MYT1: variants seen among roughly 807,000 people sequenced by gnomAD.
The protein encoded by MYT1 is myelin transcription factor I.
Under a neutral mutation model 123.0 loss-of-function variants are expected in MYT1, and 23 were observed. The observed-to-expected ratio is 0.19, with a 90% CI of 0.13 to 0.26. The LOEUF (loss-of-function observed/expected upper bound fraction) is 0.26, where lower values mean the gene tolerates loss of function less well. Ranked by LOEUF, MYT1 falls within the 10% of genes least tolerant of loss-of-function variation. The pLI is 1.00. For synonymous variants in MYT1, 518 were observed against 575.3 expected, an observed-to-expected ratio of 0.90 and a Z score of 1.43; for missense variants, 1,125 against 1,472.5, an observed-to-expected ratio of 0.76 and a Z score of 3.86.
intron 19 of MYT1, among the ~76,000 whole-genome samples, chr20:64,235,666 G>A (rs1200127998): frequency 1.9e-4 from 26 of 139,088 alleles, no homozygotes; most frequent in African/African-American, 4.8e-4. Flanking sequence ...TGGGATGGCC[G>A]TGGTGGGTGA....
intron 14 of MYT1, 24 bp downstream of exon 14, chr20:64,222,071 A>G (rs757085391): frequency 1.2e-6 from 2 of 1,611,480 alleles, no homozygotes; most frequent in South Asian, 1.1e-5. Context: ...TGGCTGGCAC[A>G]GCTCCTAGGG....
intron 10 of MYT1, among the ~76,000 whole-genome samples, chr20:64,216,034 A>C (rs1309193518): frequency 2.0e-5 from 3 of 152,144 alleles, no homozygotes; most frequent in Non-Finnish European, 4.4e-5. Flanking sequence ...GGTAGTGTTC[A>C]GTTCTTCCAG....
rs1485901660 is a variant in MYT1 at position 64,227,829 on chromosome 20, G to C, written c.2592-59G>C. On this transcript the variant is annotated intron_variant, in intron 17 of 22. Coordinates refer to ENST00000328439, the MANE Select transcript of MYT1 (RefSeq NM_004535.3). ...CTTGAGGGGAGAGGGTGAGATGAAC[G>C]GGTGTGAGAAGCTGCGGTTCCAGCA... 3.8e-6 allele frequency: 5 copies of C among 1,302,624 alleles called. No individual in the cohort carries two copies. In the Admixed American group the frequency reaches 7.8e-5, roughly 20 times the overall value. The allele number at this position is 1,302,624 out of a possible 1,614,324, so 80.7% of individuals were successfully genotyped here.
intron 19 of MYT1, among the ~76,000 whole-genome samples, chr20:64,234,442 G>A (rs1287214426): frequency 2.0e-5 from 3 of 152,228 alleles, no homozygotes; most frequent in Admixed American, 1.3e-4. Context: ...GCCAGATGAG[G>A]TGAGCTCTGG....
intron 6 of MYT1, among the ~76,000 whole-genome samples, chr20:64,206,574 C>T (rs964822370): frequency 4.6e-5 from 7 of 152,078 alleles, no homozygotes. Flanking sequence ...CAGCACTCCC[C>T]AAGCTTCTGC....
At chr20:64,183,501 G>C (rs562723455) in intron 1 of MYT1, among the ~76,000 whole-genome samples, 1 of 152,142 alleles carries the variant, frequency 6.6e-6, no homozygotes, top group African/African-American at 2.4e-5. Flanking sequence ...ATTCTATGAG[G>C]GTTCTTGCCA....
rs147779392 is a variant in MYT1, at chr20:64,232,609, C to T, written c.2897+224C>T. ...TCTTCGCCATGCGTCTCCCCTCATA[C>T]GCCACCCTTCCACATCCTGATGGAG... On this transcript the variant is annotated intron_variant, in intron 19 of 22. Coordinates refer to ENST00000328439, the MANE Select transcript of MYT1 (RefSeq NM_004535.3). The surrounding 1 kb of genome is among the most constrained non-coding windows in gnomAD (Gnocchi z 6.9). Among the ~76,000 whole-genome samples the T allele has an allele frequency of 3.1e-4, 47 of 152,228 alleles. 1 individual carries two copies. Among genetic ancestry groups the T allele is most frequent in the Non-Finnish European group, 4.6e-4 (31 of 67,996 alleles).
rs569976935 is a variant in MYT1, at chr20:64,203,476, G to A, written c.87-1559G>A. Reference sequence around the variant, plus strand: ...CAGTTTGGAAAGGGAGCCCCCAGTCGAGTGTGGTGTGCCCTCCCTCTCTCG... The same window carrying A: ...CAGTTTGGAAAGGGAGCCCCCAGTCAAGTGTGGTGTGCCCTCCCTCTCTCG... On this transcript the variant is annotated intron_variant, in intron 4 of 22. Transcript: ENST00000328439. The surrounding 1 kb of genome is among the most constrained non-coding windows in gnomAD (Gnocchi z 5.1). Among the ~76,000 whole-genome samples, 4 of 152,118 alleles carry A rather than the reference G, an allele frequency of 2.6e-5. No homozygotes were observed. The highest frequency in any genetic ancestry group is 9.7e-5 in the African/African-American group (4 of 41,422).
chr20:64,223,723 C>A (rs73916737), intron 16 of MYT1, among the ~76,000 whole-genome samples: 4,765 of 152,276 alleles, frequency 0.031, 270 homozygotes, highest in African/African-American at 0.11. Flanking sequence ...AAGCCCAGAA[C>A]CGACCAGGGA....
Position 64,189,237 on chromosome 20 carries a change from G to A in MYT1, c.-98-826G>A, listed in dbSNP as rs1220694326. Among the ~76,000 whole-genome samples the A allele has an allele frequency of 1.3e-5, 2 of 152,236 alleles. No homozygotes were observed. Among genetic ancestry groups the A allele is most frequent in the South Asian group, 2.1e-4 (1 of 4,834 alleles). ...CCAAGGCAAAGCCAGGGCCCAACAC[G>A]AGAATATTCATTTCCTGTTTCATTG... On this transcript the variant is annotated intron_variant, in intron 1 of 22. Coordinates refer to ENST00000328439, the MANE Select transcript of MYT1 (RefSeq NM_004535.3). This position sits in a 1 kb window ranked among gnomAD's most constrained non-coding sequence, Gnocchi z 5.5.
Position 64,205,749 on chromosome 20 carries a change from G to A in MYT1, c.346G>A (p.Glu116Lys), listed in dbSNP as rs769149524. 3.5e-5 allele frequency: 56 copies of A among 1,614,066 alleles called. 1 individual carries two copies. The Middle Eastern group carries it at 2.0e-3, about 57-fold the overall frequency. ...DESEGTLEGA[E>K]AETSGQDEIH... ...ATCGGAAGGAACTCTGGAGGGGGCC[G>A]AGGCTGAGACGTCAGGACAGGACGA... is the stretch of plus-strand genomic sequence containing the variant. Residue 116 changes from glutamate to lysine, a missense_variant, in exon 6 of 23, where the codon GAG (glutamate) becomes AAG (lysine). Coordinates refer to ENST00000328439, the MANE Select transcript of MYT1 (RefSeq NM_004535.3).
At chr20:64,230,601 G>A (rs553365767) in intron 18 of MYT1, among the ~76,000 whole-genome samples, 21 of 152,352 alleles carry the variant, frequency 1.4e-4, no homozygotes, top group African/African-American at 5.0e-4. Context: ...TGGCCACAGA[G>A]CCTCTTCCCA....
intron 4 of MYT1, 27 bp from the exon 5 acceptor site, chr20:64,205,008 T>C: frequency 6.2e-7 from 1 of 1,612,834 alleles, no homozygotes; most frequent in Non-Finnish European, 8.5e-7. Context: ...TCGCCTGATG[T>C]GGCCTTGCCT....
chr20:64,236,404 C>CCGTGGTGGGTGACCCTGGGA (rs1984546597), intron 19 of MYT1, 151 bp from the exon 20 acceptor site: 2 of 644,130 alleles, frequency 3.1e-6, no homozygotes. Flanking sequence ...TGACCCTGGG[C>CCGTGGTGGGTGACCCTGGGA]TGGCCGTGGT....
At chr20:64,179,033 A>C (rs574430113) in intron 1 of MYT1, among the ~76,000 whole-genome samples, 19 of 145,810 alleles carry the variant, frequency 1.3e-4, no homozygotes, top group Admixed American at 1.2e-3. Flanking sequence ...GATACCCTTC[A>C]AGGTGGGAGC....
chr20:64,205,648 C>T lies in MYT1; in HGVS notation c.245C>T (p.Ala82Val). 2 of 1,614,224 alleles carry T rather than the reference C, an allele frequency of 1.2e-6. No homozygotes were observed. The highest frequency in any genetic ancestry group is 1.7e-6 in the Non-Finnish European group (2 of 1,180,028). ...AGGAAGTCACACCCCCTGAAGCTGG[C>T]TCTGGACGAGGGCTATGGTGTGGAC... ...SKRKSHPLKL[A>V]LDEGYGVDSD... Residue 82 changes from alanine (A) to valine (V), a missense_variant, in exon 6 of 23, where the codon GCT becomes GTT. This residue lies in a region of MYT1 where 406 missense variants were observed against 432.2 expected (regional missense o/e 0.94). Transcript: ENST00000328439.
At chr20:64,176,732 G>A (rs1196873737) in intron 1 of MYT1, among the ~76,000 whole-genome samples, 1 of 152,236 alleles carries the variant, frequency 6.6e-6, no homozygotes, top group Non-Finnish European at 1.5e-5. Flanking sequence ...CTGGGTGTGA[G>A]GCCTGGTCAC....
At chr20:64,209,954 C>T (rs927232049) in intron 7 of MYT1, among the ~76,000 whole-genome samples, 2 of 152,176 alleles carry the variant, frequency 1.3e-5, no homozygotes. Context: ...TGTCATGCTC[C>T]GGCCTTGTGG....
In MYT1 at chr20:64,167,583, G is replaced by C. The variant is rs772917881; in HGVS notation, c.-99+2844G>C. Among the ~76,000 whole-genome samples the C allele has an allele frequency of 1.5e-4, 23 of 152,310 alleles. No homozygotes were observed. The highest frequency in any genetic ancestry group is 2.6e-4 in the Non-Finnish European group (18 of 68,020). On this transcript the variant is annotated intron_variant, in intron 1 of 22. Transcript: ENST00000328439. This position sits in a 1 kb window ranked among gnomAD's most constrained non-coding sequence, Gnocchi z 6.3. ...GTCAGCCAGACTTTCATGTTACTCA[G>C]GCATCTTGAAGAGTGGATGCTCTGC...
Sources: allele counts gnomAD v4.1 joint callset (sites outside exome capture counted in the v4.1 genomes callset), GRCh38; gene constraint gnomAD v4.1.1; regional missense constraint gnomAD v4.1.1; non-coding constraint Gnocchi (gnomAD v3.1); transcripts MANE v1.5; gene names NCBI Gene and HGNC (gene_info 2026-07-23, HGNC 2026-07-21).